Variants in BSN observed in about 807,000 individuals in gnomAD.
BSN encodes protein bassoon.
A neutral mutation model predicts 264.8 loss-of-function variants in BSN; 57 were observed. The ratio of observed to expected loss-of-function variants is 0.22; its 90% confidence interval spans 0.17 to 0.27. BSN has a LOEUF of 0.27. BSN is among the 10% of genes least tolerant of loss of function. BSN has a pLI of 1.00. For missense variants in BSN, 4,615 were observed against 5,232.5 expected, an observed-to-expected ratio of 0.88 and a Z score of 3.64; for synonymous variants, 2,059 against 2,137.3, an observed-to-expected ratio of 0.96 and a Z score of 1.01.
At chr3:49,672,969 C>G (rs561588352), downstream of BSN, among the ~76,000 whole-genome samples, 3 of 149,708 alleles carry the variant, frequency 2.0e-5, no homozygotes, top group South Asian at 6.4e-4. Context: ...TTAGTAGAGA[C>G]AGGGTTTCAC....
chr3:49,671,779 C>T (rs992769333), downstream of BSN, among the ~76,000 whole-genome samples: 4 of 152,204 alleles, frequency 2.6e-5, no homozygotes, highest in Non-Finnish European at 5.9e-5. The surrounding 1 kb of genome is among the most constrained non-coding windows in gnomAD (Gnocchi z 4.1). Context: ...GCAGTCAGTG[C>T]GCAGGCTGTT....
intron 2 of BSN, among the ~76,000 whole-genome samples, chr3:49,630,536 C>T (rs762734313): frequency 3.9e-5 from 6 of 152,316 alleles, no homozygotes; most frequent in Admixed American, 2.6e-4. Context: ...GGACCTTTGG[C>T]CTGCTTACTT....
rs898700832 is a variant in BSN at position 49,592,133 on chromosome 3, A to G, written c.225-32842A>G. 6.6e-5 allele frequency among the ~76,000 whole-genome samples: 10 copies of G among 151,430 alleles called. No individual in the cohort carries two copies. In the East Asian group the frequency reaches 2.0e-3, roughly 30 times the overall value. On this transcript the variant is annotated intron_variant, in intron 1 of 11. Transcript: ENST00000296452. ...TTATTTATTTATTTATTTTTTTGAG[A>G]TGGAGTCTCACTCTGTCCCATGCTG...
In BSN at chr3:49,638,691, C is replaced by T. The variant is rs1280803981; in HGVS notation, c.634-3577C>T. Reference sequence around the variant, plus strand: ...AGAAGTTCTATTTTAGGTGAGATGCCTGTGCCACAGCCTGGATGACAGGGG... The same window carrying T: ...AGAAGTTCTATTTTAGGTGAGATGCTTGTGCCACAGCCTGGATGACAGGGG... On this transcript the variant is annotated intron_variant, in intron 2 of 11. Transcript: ENST00000296452. The surrounding 1 kb of genome is among the most constrained non-coding windows in gnomAD (Gnocchi z 4.3). Among the ~76,000 whole-genome samples the T allele has an allele frequency of 6.6e-6, 1 of 152,222 alleles. No homozygotes were observed. Among genetic ancestry groups the T allele is most frequent in the African/African-American group, 2.4e-5 (1 of 41,468 alleles).
At chr3:49,648,872 A>C (rs890278156) in intron 3 of BSN, among the ~76,000 whole-genome samples, 2 of 152,260 alleles carry the variant, frequency 1.3e-5, no homozygotes, top group African/African-American at 4.8e-5. Flanking sequence ...CAGCTGGGCC[A>C]CTGCCCCATT....
In BSN at chr3:49,660,722, C is replaced by T; in HGVS notation, c.8877C>T (p.Arg2959=). The stretch of plus-strand genomic sequence containing the variant: ...TGGAGCATGAGTCCACCAAACTGCG[C>T]AAGAAGCAGGCAGAGCTGGATGAGG... ...RLVEHESTKL[R]KKQAELDEEE... is the part of the protein sequence containing the mutation. The change falls in exon 6 of 12, where the codon CGC becomes CGT. Residue 2959 remains arginine, a synonymous_variant. Transcript: ENST00000296452. The surrounding 1 kb of genome is among the most constrained non-coding windows in gnomAD (Gnocchi z 7.1). 1 of 1,613,130 alleles carries T rather than the reference C, an allele frequency of 6.2e-7. No individual in the cohort carries two copies. The highest frequency in any genetic ancestry group is 8.5e-7 in the Non-Finnish European group (1 of 1,179,926).
chr3:49,606,336 T>A (rs1274301921), intron 1 of BSN, among the ~76,000 whole-genome samples: 8 of 47,416 alleles, frequency 1.7e-4, no homozygotes, highest in South Asian at 4.0e-4. Flanking sequence ...TATATATATA[T>A]TTTTGGCATG....
chr3:49,642,263 C>T lies in BSN; in HGVS notation c.634-5C>T. 6.6e-7 allele frequency: 1 copy of T among 1,517,438 alleles called. No homozygotes were observed. Among genetic ancestry groups the T allele is most frequent in the Non-Finnish European group, 8.8e-7 (1 of 1,132,950 alleles). The allele number at this position is 1,517,438 out of a possible 1,614,324, so 94.0% of individuals were successfully genotyped here. A position where few individuals can be genotyped will look rare whatever the true frequency, so the allele number is the denominator to read the frequency against. ...CCCTGCTGACTATTTTGCTTTTCTC[C>T]TCAGGTGAAGGAGTGGCTCTGTCTG... On this transcript the variant is annotated splice_polypyrimidine_tract_variant and splice_region_variant and intron_variant, in intron 2 of 11. Transcript: ENST00000296452. The surrounding 1 kb of genome is among the most constrained non-coding windows in gnomAD (Gnocchi z 7.0).
intron 1 of BSN, among the ~76,000 whole-genome samples, chr3:49,573,329 A>T (rs2051811879): frequency 6.6e-6 from 1 of 152,214 alleles, no homozygotes; most frequent in Non-Finnish European, 1.5e-5. Context: ...GAGGCTCATG[A>T]TCAAAGAAAT....
intron 1 of BSN, among the ~76,000 whole-genome samples, chr3:49,569,093 G>A (rs1033860638): frequency 6.6e-6 from 1 of 152,144 alleles, no homozygotes; most frequent in Non-Finnish European, 1.5e-5. Context: ...TCTGAGTTTT[G>A]GCCTGGGCAT....
chr3:49,655,640 G>A lies in BSN; in HGVS notation c.6084G>A (p.Ala2028=), dbSNP rs764727145. The part of the protein sequence containing the change: ...SLKHSYSLGF[A]DGRYLGQGLQ... ...AGCACTCCTACAGCCTGGGCTTTGC[G>A]GATGGACGCTACCTAGGGCAGGGCT... The change falls in exon 5 of 12, where the codon GCG becomes GCA. Residue 2028 remains alanine, a synonymous_variant. Transcript: ENST00000296452. 52 of 1,613,664 alleles carry A rather than the reference G, an allele frequency of 3.2e-5. 1 individual carries two copies. The Middle Eastern group carries it at 4.9e-4, about 15-fold the overall frequency.
Position 49,652,980 on chromosome 3 carries a change from G to A in BSN, c.3424G>A (p.Gly1142Ser), listed in dbSNP as rs1559614980. The A allele has an allele frequency of 1.2e-6, 2 of 1,613,066 alleles. No individual in the cohort carries two copies. Among genetic ancestry groups the A allele is most frequent in the Middle Eastern group, 1.7e-4 (1 of 6,054 alleles). The change falls in exon 5 of 12, where the codon GGC (glycine) becomes AGC (serine). Residue 1142 changes from glycine to serine, a missense_variant. By Grantham distance (56) the Gly-to-Ser change is moderately conservative (BLOSUM62 0). Around this residue, in one of 3 missense-constraint regions of BSN, gnomAD observed 3,415 missense variants for 3,866.4 expected, o/e 0.88. Transcript: ENST00000296452. ...LDSEAEALDG[G>S]PSRLYKSGSE... ...CTCTGAGGCTGAGGCCTTGGATGGTGGCCCTAGCCGGCTTTACAAGTCAGG... is the reference window on the plus strand; with the variant it reads ...CTCTGAGGCTGAGGCCTTGGATGGTAGCCCTAGCCGGCTTTACAAGTCAGG...
intron 1 of BSN, among the ~76,000 whole-genome samples, chr3:49,599,303 C>A (rs2052052554): frequency 6.6e-6 from 1 of 151,954 alleles, no homozygotes. Flanking sequence ...CCTTCCTAAT[C>A]CCTGGGGTTG....
rs945799503 is a variant in BSN, at chr3:49,663,152, G to A, written c.10994G>A (p.Arg3665His). 1.4e-5 allele frequency: 23 copies of A among 1,612,758 alleles called. No individual in the cohort carries two copies. The highest frequency in any genetic ancestry group is 1.6e-4 in the Middle Eastern group (1 of 6,080). ...GRHTGEEPGR[R>H]AAKPHARDLG... ...CACACTGGTGAGGAGCCGGGACGGC[G>A]TGCTGCCAAACCACACGCTCGGGAC... Residue 3665 changes from arginine (R) to histidine (H), a missense_variant, in exon 7 of 12, where the codon CGT (arginine) becomes CAT (histidine). Arg to His is a conservative substitution (Grantham distance 29). Around this residue, in one of 3 missense-constraint regions of BSN, gnomAD observed 3,415 missense variants for 3,866.4 expected, o/e 0.88. Transcript: ENST00000296452.
At chr3:49,592,053 TGAGA>T (rs537439831) in intron 1 of BSN, among the ~76,000 whole-genome samples, 3 of 152,174 alleles carry the variant, frequency 2.0e-5, no homozygotes, top group East Asian at 1.9e-4. Context: ...TAGGATAATT[TGAGA>T]GAGACAGTTG....
Position 49,663,015 on chromosome 3 carries a change from C to G in BSN, c.10857C>G (p.Asp3619Glu). The G allele has an allele frequency of 6.2e-7, 1 of 1,614,034 alleles. No individual in the cohort carries two copies. The highest frequency in any genetic ancestry group is 8.5e-7 in the Non-Finnish European group (1 of 1,180,018). The stretch of plus-strand genomic sequence containing the variant: ...GCCCTGCCAGGCACAGCTACCATGA[C>G]TACGATGAACCCCCTGAGGAGGGCC... Reference protein sequence around the residue: ...KRGPARHSYHDYDEPPEEGLW... With the variant: ...KRGPARHSYHEYDEPPEEGLW... The change falls in exon 7 of 12, where the codon GAC becomes GAG. Residue 3619 changes from aspartate to glutamate, a missense_variant. By Grantham distance (45) the Asp-to-Glu change is conservative. Coordinates refer to ENST00000296452, the MANE Select transcript of BSN (RefSeq NM_003458.4).
rs1331025478 is a variant in BSN, at chr3:49,663,426, A to G, written c.11268A>G (p.Pro3756=). The G allele has an allele frequency of 6.2e-7, 1 of 1,612,762 alleles. No individual in the cohort carries two copies. The highest frequency in any genetic ancestry group is 8.5e-7 in the Non-Finnish European group (1 of 1,179,996). Residue 3756 remains proline, a synonymous_variant, in exon 7 of 12, where the codon CCA becomes CCG. Transcript: ENST00000296452. The part of the protein sequence containing the change: ...QLQGRQAAPG[P]QQSQSPSSRQ... ...AAGGTCGGCAGGCAGCTCCAGGACC[A>G]CAGCAGTCACAGTCACCATCATCCA... is the stretch of plus-strand genomic sequence containing the variant.
In BSN at chr3:49,656,707, A is replaced by C; in HGVS notation, c.7151A>C (p.Lys2384Thr). The C allele has an allele frequency of 6.3e-7, 1 of 1,582,500 alleles. No homozygotes were observed. The highest frequency in any genetic ancestry group is 1.1e-5 in the South Asian group (1 of 87,500). ...GAGCGGGAGCGGGTGGAGTTGGAGAAGCTGCGACAACTTCGGCTGCAAGAG... is the reference window on the plus strand; with the variant it reads ...GAGCGGGAGCGGGTGGAGTTGGAGACGCTGCGACAACTTCGGCTGCAAGAG... The part of the protein sequence containing the change: ...QLERERVELE[K>T]LRQLRLQEEL... Residue 2384 changes from lysine to threonine, a missense_variant, in exon 5 of 12, where the codon AAG (lysine) becomes ACG (threonine). This residue lies in a region of BSN where 3,415 missense variants were observed against 3,866.4 expected (regional missense o/e 0.88). Transcript: ENST00000296452.
At chr3:49,583,935 G>A (rs1349364067) in intron 1 of BSN, among the ~76,000 whole-genome samples, 2 of 152,166 alleles carry the variant, frequency 1.3e-5, no homozygotes, top group South Asian at 2.1e-4. Flanking sequence ...GTGCAGTGGC[G>A]CGATCTCGGC....
Sources: gnomAD v4.1 joint callset for allele counts (sites outside exome capture counted in the v4.1 genomes callset) on GRCh38, gnomAD v4.1.1 for gene constraint, gnomAD v4.1.1 regional missense constraint, Gnocchi (gnomAD v3.1) non-coding constraint, MANE v1.5 for transcripts, NCBI Gene and HGNC (gene_info 2026-07-23, HGNC 2026-07-21) for gene names.